Variants in LNX2 observed in about 807,000 individuals in gnomAD.
LNX2 encodes ligand of Numb protein X 2.
LNX2 carries 35 observed loss-of-function variants against 66.2 expected under a neutral mutation model. The ratio of observed to expected loss-of-function variants is 0.53; its 90% CI spans 0.40 to 0.70. The LOEUF is 0.70. LNX2 is among the 30% of genes least tolerant of loss of function. The pLI is 0.00. For synonymous variants in LNX2, 337 were observed against 315.6 expected, an observed-to-expected ratio of 1.07 and a Z score of -0.72; for missense variants, 791 against 850.8, an observed-to-expected ratio of 0.93 and a Z score of 0.87.
chr13:27,611,854 T>A (rs1458369004), intron 1 of LNX2, among the ~76,000 whole-genome samples: 1 of 152,216 alleles, frequency 6.6e-6, no homozygotes, highest in East Asian at 1.9e-4. Context: ...TTAAGAACAA[T>A]AATTAGAGAA....
chr13:27,571,468 T>C (rs1218949951), intron 2 of LNX2, among the ~76,000 whole-genome samples: 3 of 152,118 alleles, frequency 2.0e-5, no homozygotes, highest in Non-Finnish European at 2.9e-5. Flanking sequence ...AGAGTTGGGG[T>C]AGACACTCAA....
intron 2 of LNX2, among the ~76,000 whole-genome samples, chr13:27,569,985 T>G (rs1339757337): frequency 1.3e-5 from 2 of 152,230 alleles, no homozygotes; most frequent in African/African-American, 4.8e-5. Flanking sequence ...TTTTTACTTA[T>G]TTAAGCAAAT....
rs754545390 is a variant in LNX2 at position 27,559,907 on chromosome 13, T to C, written c.1303A>G (p.Asn435Asp). 2.3e-5 allele frequency: 37 copies of C among 1,612,126 alleles called. No homozygotes were observed. The Admixed American group carries it at 3.8e-4, about 17-fold the overall frequency. ...TGGTGCTGGCTGCTGCTGCTATGATTTCCTGCTTCTCTAATGGTGTTACCA... is the reference window on the plus strand; with the variant it reads ...TGGTGCTGGCTGCTGCTGCTATGATCTCCTGCTTCTCTAATGGTGTTACCA... ...QPGNTIREAG[N>D]HSSSSQHHTP... Residue 435 changes from asparagine (N) to aspartate (D), a missense_variant, in exon 6 of 10, where the codon AAT becomes GAT. Transcript: ENST00000316334.
rs1566124935 is a variant in LNX2, at chr13:27,583,264, C to CGCGCG, written c.-100-1462_-100-1461insCGCGC. ...TGTGTGTGTGTGTGTGTGCGCGCGT[C>CGCGCG]CTCTCCAACATACTTATTTTTAAGT... On this transcript the variant is annotated intron_variant, in intron 1 of 9. Transcript: ENST00000316334. Among the ~76,000 whole-genome samples, 7 of 8,980 alleles carry CGCGCG rather than the reference C, an allele frequency of 7.8e-4. 2 individuals are homozygous for CGCGCG. The highest frequency in any genetic ancestry group is 2.5e-3 in the African/African-American group (4 of 1,632). The allele number at this position is 8,980 out of a possible 152,430, so 5.9% of individuals were successfully genotyped here.
chr13:27,562,725 G>T lies in LNX2; in HGVS notation c.912C>A (p.Ser304=). The change falls in exon 5 of 10, where the codon TCC becomes TCA. Residue 304 remains serine (S), a synonymous_variant. Coordinates refer to ENST00000316334, the MANE Select transcript of LNX2 (RefSeq NM_153371.4). The part of the protein sequence containing the change: ...VSHNYARAVL[S]QPCNTLHLTV... ...TAAGATGCAGTGTGTTGCAGGGCTG[G>T]GAAAGGACAGCTCGGGCATAGTTAT... The T allele has an allele frequency of 6.2e-7, 1 of 1,614,114 alleles. No homozygotes were observed. The highest frequency in any genetic ancestry group is 8.5e-7 in the Non-Finnish European group (1 of 1,180,004).
At chr13:27,560,719 G>A (rs982265945) in intron 5 of LNX2, among the ~76,000 whole-genome samples, 1 of 151,826 alleles carries the variant, frequency 6.6e-6, no homozygotes, top group Non-Finnish European at 1.5e-5. Context: ...ATTTTTACAA[G>A]TTATTTAATA....
intron 3 of LNX2, among the ~76,000 whole-genome samples, chr13:27,568,536 G>A (rs1955234297): frequency 6.6e-6 from 1 of 151,724 alleles, no homozygotes; most frequent in Admixed American, 6.6e-5. Flanking sequence ...GTATAAACTT[G>A]ACCAATTAAT....
chr13:27,576,455 G>A (rs1955340945), intron 2 of LNX2, among the ~76,000 whole-genome samples: 1 of 151,968 alleles, frequency 6.6e-6, no homozygotes, highest in Non-Finnish European at 1.5e-5. Context: ...GGTGGCTCAC[G>A]CCTGTAATCC....
intron 1 of LNX2, among the ~76,000 whole-genome samples, chr13:27,618,574 A>G (rs1424337776): frequency 2.0e-5 from 3 of 152,220 alleles, no homozygotes; most frequent in African/African-American, 7.2e-5. Flanking sequence ...TTAGCAGCTC[A>G]GTATCACTGA....
At chr13:27,583,866 C>G (rs1183507536) in intron 1 of LNX2, among the ~76,000 whole-genome samples, 3 of 151,752 alleles carry the variant, frequency 2.0e-5, no homozygotes, top group Non-Finnish European at 4.4e-5. Flanking sequence ...TATGGAGAGA[C>G]ATGAAAAGAA....
chr13:27,585,150 G>A (rs889193793), intron 1 of LNX2, among the ~76,000 whole-genome samples: 1 of 151,610 alleles, frequency 6.6e-6, no homozygotes, highest in Non-Finnish European at 1.5e-5. Context: ...AATGGGCGAG[G>A]CACGGTGGCT....
At chr13:27,572,049 C>T (rs1234932833) in intron 2 of LNX2, among the ~76,000 whole-genome samples, 1 of 152,196 alleles carries the variant, frequency 6.6e-6, no homozygotes, top group Non-Finnish European at 1.5e-5. Context: ...AGGCTTCTAG[C>T]TTCTGTTCTT....
chr13:27,616,276 G>T (rs1446196704), intron 1 of LNX2, among the ~76,000 whole-genome samples: 1 of 152,056 alleles, frequency 6.6e-6, no homozygotes, highest in Admixed American at 6.5e-5. Context: ...CTAAAGCCCT[G>T]GGATCAACAG....
intron 1 of LNX2, among the ~76,000 whole-genome samples, chr13:27,607,785 C>T (rs1033841381): frequency 1.3e-5 from 2 of 152,116 alleles, no homozygotes; most frequent in Non-Finnish European, 2.9e-5. Flanking sequence ...GGAGAGGGTA[C>T]AAAAGGGCAG....
At chr13:27,591,188 T>C (rs905519194) in intron 1 of LNX2, among the ~76,000 whole-genome samples, 46 of 152,352 alleles carry the variant, frequency 3.0e-4, no homozygotes, top group East Asian at 7.7e-4. Flanking sequence ...GCTGACACAA[T>C]GTCTTCTAAT....
intron 4 of LNX2, among the ~76,000 whole-genome samples, 166 bp downstream of exon 4, chr13:27,567,474 A>T (rs1339534592): frequency 6.6e-6 from 1 of 152,194 alleles, no homozygotes; most frequent in Non-Finnish European, 1.5e-5. Context: ...CTCTGTGTAT[A>T]TGGGAAAATA....
chr13:27,603,350 G>T (rs1346523889), intron 1 of LNX2, among the ~76,000 whole-genome samples: 1 of 152,066 alleles, frequency 6.6e-6, no homozygotes, highest in Non-Finnish European at 1.5e-5. Flanking sequence ...AAGTTCTGGG[G>T]GGACCAAGAA....
At chr13:27,559,126 T>G (rs187095152) in intron 6 of LNX2, among the ~76,000 whole-genome samples, 34 of 152,236 alleles carry the variant, frequency 2.2e-4, no homozygotes, top group African/African-American at 8.2e-4. Context: ...AAGTAAATAA[T>G]ATCAAGAATG....
At chr13:27,560,444 A>T (rs1393331582) in intron 5 of LNX2, among the ~76,000 whole-genome samples, 5 of 151,946 alleles carry the variant, frequency 3.3e-5, no homozygotes, top group African/African-American at 1.2e-4. Context: ...ATCATAATGA[A>T]ATTCTGCACA....
Sources: gnomAD v4.1 joint callset for allele counts (sites outside exome capture counted in the v4.1 genomes callset) on GRCh38, gnomAD v4.1.1 for gene constraint, MANE v1.5 for transcripts, NCBI Gene and HGNC (gene_info 2026-07-23, HGNC 2026-07-21) for gene names.